Variants in RNF122 observed in about 807,000 individuals in gnomAD.
RNF122 encodes the protein ring finger protein 122.
Under a neutral mutation model 24.2 loss-of-function variants are expected in RNF122, and 17 were observed. That is an observed-to-expected ratio of 0.70 (90% CI 0.48 to 1.06). The LOEUF is 1.06. Among genes scored for constraint, RNF122 ranks in the 50% least tolerant of loss-of-function variants. RNF122 has a pLI of 0.00. For missense variants in RNF122, 168 were observed against 198.1 expected, an observed-to-expected ratio of 0.85 and a Z score of 0.91; for synonymous variants, 65 against 71.8, an observed-to-expected ratio of 0.91 and a Z score of 0.48.
intron 5 of RNF122, among the ~76,000 whole-genome samples, 164 bp downstream of exon 5, chr8:33,549,246 C>T (rs753887222): frequency 1.4e-5 from 2 of 146,716 alleles, no homozygotes; most frequent in Admixed American, 6.7e-5. Flanking sequence ...AATATCCCTA[C>T]CCCTGTCCCA....
At chr8:33,566,298 C>T (rs1810622251) in intron 1 of RNF122, among the ~76,000 whole-genome samples, 2 of 152,234 alleles carry the variant, frequency 1.3e-5, no homozygotes, top group Admixed American at 1.3e-4. Flanking sequence ...TGCAAAGTTT[C>T]AGGCCGGGAA....
chr8:33,564,388 GTAGATTA>G (rs1563371275), intron 1 of RNF122, among the ~76,000 whole-genome samples: 1 of 102,566 alleles, frequency 9.7e-6, no homozygotes. Context: ...TCCCCAAAAA[GTAGATTA>G]ATTAATTAAT....
intron 4 of RNF122, among the ~76,000 whole-genome samples, chr8:33,550,153 G>C (rs1315544394): frequency 6.6e-6 from 1 of 152,040 alleles, no homozygotes; most frequent in Non-Finnish European, 1.5e-5. Flanking sequence ...GGCTGGTCTC[G>C]AACTCCTGAC....
rs138942076 is a variant in RNF122, at chr8:33,553,680, G to C, written c.183-2291C>G. 5.2e-5 allele frequency among the ~76,000 whole-genome samples: 8 copies of C among 152,382 alleles called. No individual in the cohort carries two copies. In the East Asian group the frequency reaches 1.3e-3, roughly 26 times the overall value. ...GCTCCAATCACAAACAGCCCCAGTG[G>C]AAGGGGGTGGGGTGAGAAGCTGAAG... On this transcript the variant is annotated intron_variant, in intron 2 of 5. Transcript: ENST00000256257.
chr8:33,566,361 A>G (rs1204543784), intron 1 of RNF122, among the ~76,000 whole-genome samples: 3 of 152,182 alleles, frequency 2.0e-5, no homozygotes, highest in African/African-American at 7.2e-5. Context: ...ATTCTCCTCC[A>G]ACAACCACAA....
At chr8:33,560,284 C>A (rs890371358) in intron 1 of RNF122, among the ~76,000 whole-genome samples, 20 of 152,192 alleles carry the variant, frequency 1.3e-4, no homozygotes, top group Admixed American at 5.9e-4. Flanking sequence ...AGTCACCTCT[C>A]CCTTCCCCCC....
In RNF122 at chr8:33,548,781, A is replaced by G. The variant is rs191195067; in HGVS notation, c.440T>C (p.Ile147Thr). Residue 147 changes from isoleucine (I) to threonine (T), a missense_variant, in exon 6 of 6, where the codon ATT becomes ACT. Transcript: ENST00000256257. ...CACCAGCTCATCCAATAGAATCCCAATGTTCTGCGTGGCCTCTGAGGGACT... is the reference window on the plus strand; with the variant it reads ...CACCAGCTCATCCAATAGAATCCCAGTGTTCTGCGTGGCCTCTGAGGGACT... The part of the protein sequence containing the change: ...IASPSEATQN[I>T]GILLDELV 17 of 1,613,210 alleles carry G rather than the reference A, an allele frequency of 1.1e-5. No individual in the cohort carries two copies. The highest frequency in any genetic ancestry group is 2.2e-5 in the East Asian group (1 of 44,826).
intron 4 of RNF122, among the ~76,000 whole-genome samples, chr8:33,550,039 T>C (rs13249882): frequency 5.9e-5 from 9 of 151,842 alleles, no homozygotes; most frequent in Non-Finnish European, 1.2e-4. Flanking sequence ...ATTCAAGCAA[T>C]TCTCCTGCCT....
intron 4 of RNF122, 80 bp from the exon 5 acceptor site, chr8:33,549,572 C>T: frequency 9.6e-7 from 1 of 1,041,502 alleles, no homozygotes; most frequent in Non-Finnish European, 1.5e-6. Context: ...AAACTAAGCT[C>T]TAGCCTAGTC....
chr8:33,555,163 G>A (rs58644314), intron 2 of RNF122, among the ~76,000 whole-genome samples: 3,940 of 151,882 alleles, frequency 0.026, 106 homozygotes, highest in East Asian at 0.15. Context: ...TTAGCATCAT[G>A]TGGTTACTGT....
chr8:33,548,483 G>A lies in RNF122; in HGVS notation c.*270C>T, dbSNP rs1362346514. 1.2e-5 allele frequency: 4 copies of A among 345,130 alleles called. No homozygotes were observed. The highest frequency in any genetic ancestry group is 4.1e-5 in the Admixed American group (1 of 24,148). The allele number at this position is 345,130 out of a possible 1,614,324, so 21.4% of individuals were successfully genotyped here. A position where few individuals can be genotyped will look rare whatever the true frequency, so the allele number is the denominator to read the frequency against. On this transcript the variant is annotated 3_prime_UTR_variant, in exon 6 of 6. Coordinates refer to ENST00000256257, the MANE Select transcript of RNF122 (RefSeq NM_024787.3). ...CTTCCCCCAGAACAGGGACAAGGCA[G>A]GTAGATAGTCCAGTACCAGGAGACA...
At chr8:33,549,599 G>T (rs1385940815) in intron 4 of RNF122, 107 bp from the exon 5 acceptor site, 1 of 789,368 alleles carries the variant, frequency 1.3e-6, no homozygotes, top group Non-Finnish European at 2.1e-6. Flanking sequence ...ACCAGGCAGA[G>T]AAACTTTTTA....
rs187412451 is a variant in RNF122, at chr8:33,557,265, C to A, written c.182+1350G>T. Among the ~76,000 whole-genome samples, 105 of 152,276 alleles carry A rather than the reference C, an allele frequency of 6.9e-4. 1 individual carries two copies. In the East Asian group the frequency reaches 0.016, roughly 23 times the overall value. On this transcript the variant is annotated intron_variant, in intron 2 of 5. Transcript: ENST00000256257. ...AGGAATTGTCAATGCCAACAGTAAA[C>A]CCCAGTCAGAAACACTACTACTTTG...
chr8:33,551,394 G>A lies in RNF122; in HGVS notation c.183-5C>T, dbSNP rs757597935. 1.4e-5 allele frequency: 22 copies of A among 1,614,048 alleles called. No homozygotes were observed. The highest frequency in any genetic ancestry group is 1.5e-5 in the Non-Finnish European group (18 of 1,179,954). On this transcript the variant is annotated splice_polypyrimidine_tract_variant and splice_region_variant and intron_variant, in intron 2 of 5. Transcript: ENST00000256257. ...TGTGCCTGGTTCCGCAGTTTGCTGG[G>A]AGAAAGAGAAAAAAATTAGAGAAAG...
At chr8:33,557,283 C>G (rs1199529933) in intron 2 of RNF122, among the ~76,000 whole-genome samples, 1 of 152,198 alleles carries the variant, frequency 6.6e-6, no homozygotes, top group Non-Finnish European at 1.5e-5. Context: ...AGAAACACTA[C>G]TACTTTGATT....
At chr8:33,553,334 G>A (rs1040957218) in intron 2 of RNF122, among the ~76,000 whole-genome samples, 6 of 149,616 alleles carry the variant, frequency 4.0e-5, no homozygotes, top group African/African-American at 1.5e-4. Flanking sequence ...CAACTCAGGT[G>A]GATTGCTTGA....
intron 4 of RNF122, among the ~76,000 whole-genome samples, chr8:33,550,187 CCT>C (rs1340000692): frequency 1.3e-5 from 2 of 152,224 alleles, no homozygotes; most frequent in Non-Finnish European, 2.9e-5. Context: ...CCCACCTCGG[CCT>C]CCCAAAGTTC....
rs1280647721 is a variant in RNF122 at position 33,550,773 on chromosome 8, AATTATG to A, written c.270+265_270+270del. ...AGGGTACGACCATCCTCCTGGTAAA[AATTATG>A]TATTGTGGGACTCCTGGGGCTGTGG... On this transcript the variant is annotated intron_variant, in intron 4 of 5. Transcript: ENST00000256257. 2.0e-5 allele frequency among the ~76,000 whole-genome samples: 3 copies of A among 152,158 alleles called. No homozygotes were observed. In the East Asian group the frequency reaches 5.8e-4, roughly 29 times the overall value.
intron 1 of RNF122, among the ~76,000 whole-genome samples, chr8:33,566,308 AC>A (rs1260461671): frequency 6.6e-6 from 1 of 152,186 alleles, no homozygotes; most frequent in Non-Finnish European, 1.5e-5. Context: ...CAGGCCGGGA[AC>A]TTGAGCTCCC....
Sources: gnomAD v4.1 joint callset for allele counts (sites outside exome capture counted in the v4.1 genomes callset) on GRCh38, gnomAD v4.1.1 for gene constraint, MANE v1.5 for transcripts, NCBI Gene and HGNC (gene_info 2026-07-23, HGNC 2026-07-21) for gene names.